The following ITPRID1 variants were observed in gnomAD, a reference collection of about 807,000 sequenced individuals.
ITPRID1 encodes protein ITPRID1.
ITPRID1 carries 96 observed loss-of-function variants against 95.4 expected under a neutral mutation model. The observed-to-expected ratio is 1.01, with a 90% CI of 0.85 to 1.19. The LOEUF is 1.19. ITPRID1 is among the 50% of genes most tolerant of loss of function. The probability of loss-of-function intolerance (pLI) is 0.00; values close to 1 mark genes in which losing one functional copy is unlikely to be tolerated. For synonymous variants in ITPRID1, 510 were observed against 453.6 expected (o/e 1.12, Z -1.58); for missense variants, 1,339 against 1,252.9 (o/e 1.07, Z -1.04).
intron 10 of ITPRID1, among the ~76,000 whole-genome samples, chr7:31,621,357 GAA>G (rs1787874475): frequency 1.5e-3 from 1 of 666 alleles, no homozygotes; most frequent in African/African-American, 6.9e-3. Context: ...CAGCCAGAGA[GAA>G]AGGTCGGGTT....
intron 5 of ITPRID1, among the ~76,000 whole-genome samples, chr7:31,556,131 A>G: frequency 6.6e-6 from 1 of 152,088 alleles, no homozygotes; most frequent in East Asian, 1.9e-4. Flanking sequence ...CACTTCCCAG[A>G]AATTAAAGAC....
downstream of ITPRID1, chr7:31,656,612 C>A: frequency 2.3e-6 from 1 of 433,688 alleles, no homozygotes; most frequent in Non-Finnish European, 3.1e-6. Flanking sequence ...TTATCAGTCT[C>A]AGGAGACAAT....
At chr7:31,570,535 G>A (rs1476779738) in intron 6 of ITPRID1, among the ~76,000 whole-genome samples, 2 of 152,128 alleles carry the variant, frequency 1.3e-5, no homozygotes, top group Non-Finnish European at 2.9e-5. Flanking sequence ...CTGCAGTACT[G>A]CATCCCCCTG....
intron 5 of ITPRID1, among the ~76,000 whole-genome samples, chr7:31,566,402 G>T (rs999580656): frequency 6.6e-6 from 1 of 152,168 alleles, no homozygotes; most frequent in Admixed American, 6.5e-5. Context: ...CCAAAGCAGT[G>T]GCAAGAATGT....
intron 10 of ITPRID1, among the ~76,000 whole-genome samples, chr7:31,589,932 A>G (rs10280029): frequency 0.084 from 12,801 of 152,252 alleles, 655 homozygotes; most frequent in Middle Eastern, 0.12. Flanking sequence ...AGATTTCTAC[A>G]TTTTACATGA....
chr7:31,517,263 G>GATTGGTCCATTTTACACAGCGCTT (rs1783074585), intron 1 of ITPRID1: 2 of 152,176 alleles, frequency 1.3e-5, no homozygotes, highest in Admixed American at 1.3e-4. Flanking sequence ...ACACAGCGCT[G>GATTGGTCCATTTTACACAGCGCTT]ATTAGTCCAT....
chr7:31,640,656 T>C (rs79122797), intron 10 of ITPRID1, among the ~76,000 whole-genome samples: 26 of 149,614 alleles, frequency 1.7e-4, no homozygotes, highest in South Asian at 1.5e-3. Flanking sequence ...TTTTTTTTTT[T>C]CCACATATCT....
intron 10 of ITPRID1, among the ~76,000 whole-genome samples, chr7:31,595,432 T>C (rs1323544295): frequency 2.0e-5 from 3 of 151,868 alleles, no homozygotes; most frequent in African/African-American, 4.8e-5. Context: ...AATTCAATAA[T>C]AGAAGTAAAA....
intron 10 of ITPRID1, among the ~76,000 whole-genome samples, chr7:31,631,150 A>C (rs1351840212): frequency 6.6e-6 from 1 of 152,224 alleles, no homozygotes; most frequent in East Asian, 1.9e-4. Flanking sequence ...TAAGAAAATA[A>C]TACTACCTAA....
At chr7:31,535,606 T>G (rs1562553511) in intron 1 of ITPRID1, among the ~76,000 whole-genome samples, 1 of 152,098 alleles carries the variant, frequency 6.6e-6, no homozygotes, top group Non-Finnish European at 1.5e-5. Context: ...TAATTTGTCT[T>G]CAACCCAAAG....
In ITPRID1 at chr7:31,644,095, G is replaced by A. The variant is rs115859822; in HGVS notation, c.2583+142G>A. ...AAATCATGAATAACATTTGTAGAGT[G>A]CTTTATTGTTTATGATATAGTATCA... On this transcript the variant is annotated intron_variant, in intron 12 of 14. Transcript: ENST00000615280. 2,710 of 731,874 alleles carry A rather than the reference G, an allele frequency of 3.7e-3. 55 individuals are homozygous for A. In the African/African-American group the frequency reaches 0.044, roughly 12 times the overall value. The allele number at this position is 731,874 out of a possible 1,614,324, so 45.3% of individuals were successfully genotyped here.
chr7:31,547,385 C>A (rs1038164556), intron 1 of ITPRID1, among the ~76,000 whole-genome samples: 1 of 152,148 alleles, frequency 6.6e-6, no homozygotes, highest in Non-Finnish European at 1.5e-5. Flanking sequence ...AGGAAACTTA[C>A]AGTCATGGTG....
Position 31,655,801 on chromosome 7 carries a change from C to T in ITPRID1, c.*2972C>T, listed in dbSNP as rs1791274701. 5.1e-6 allele frequency: 5 copies of T among 985,660 alleles called. No homozygotes were observed. The highest frequency in any genetic ancestry group is 6.0e-6 in the Non-Finnish European group (5 of 830,032). The allele number at this position is 985,660 out of a possible 1,614,324, so 61.1% of individuals were successfully genotyped here. A position where few individuals can be genotyped will look rare whatever the true frequency, so the allele number is the denominator to read the frequency against. On this transcript the variant is annotated 3_prime_UTR_variant, in exon 15 of 15. Coordinates refer to ENST00000615280, the MANE Select transcript of ITPRID1 (RefSeq NM_001257967.3). ...TACCCAGGTTGGGCTTTTGACCTCCCCTTCTCCATGTAGACTCCGAGCTCT... is the reference window on the plus strand; with the variant it reads ...TACCCAGGTTGGGCTTTTGACCTCCTCTTCTCCATGTAGACTCCGAGCTCT...
chr7:31,528,240 A>G (rs999753538), intron 1 of ITPRID1, among the ~76,000 whole-genome samples: 1 of 152,172 alleles, frequency 6.6e-6, no homozygotes, highest in East Asian at 1.9e-4. Context: ...TAATCAAAGT[A>G]TGGGTAATTG....
At chr7:31,515,107 T>G (rs1783004258) in intron 1 of ITPRID1, among the ~76,000 whole-genome samples, 1 of 151,926 alleles carries the variant, frequency 6.6e-6, no homozygotes, top group South Asian at 2.1e-4. Context: ...CAGACCATTT[T>G]CCTAACTCCT....
At chr7:31,573,983 A>G (rs1318921916) in intron 7 of ITPRID1, among the ~76,000 whole-genome samples, 6 of 152,104 alleles carry the variant, frequency 3.9e-5, no homozygotes, top group Admixed American at 1.3e-4. Context: ...TTCTTAGCCA[A>G]GTACAAAAAT....
rs764175813 is a variant in ITPRID1 at position 31,578,056 on chromosome 7, C to T, written c.792C>T (p.Asn264=). Reference sequence around the variant, plus strand: ...TCTTAAGGAGAGCTTCCAAACAGAACATCAGGCGGGATTGTAACCCAGAGG... The same window carrying T: ...TCTTAAGGAGAGCTTCCAAACAGAATATCAGGCGGGATTGTAACCCAGAGG... ...GKLLRRASKQ[N]IRRDCNPEVS... The change falls in exon 9 of 15, where the codon AAC becomes AAT. Residue 264 remains asparagine (N), a synonymous_variant. Transcript: ENST00000615280. 1 of 1,613,752 alleles carries T rather than the reference C, an allele frequency of 6.2e-7. No individual in the cohort carries two copies. The highest frequency in any genetic ancestry group is 8.5e-7 in the Non-Finnish European group (1 of 1,179,862).
chr7:31,622,245 C>T (rs917780191), intron 10 of ITPRID1, among the ~76,000 whole-genome samples: 20 of 148,682 alleles, frequency 1.3e-4, no homozygotes, highest in Non-Finnish European at 2.4e-4. Flanking sequence ...CAGCTCTGCA[C>T]CAAGCGGACC....
downstream of ITPRID1, chr7:31,658,502 GAA>G: frequency 1.0e-6 from 1 of 993,360 alleles, no homozygotes; most frequent in Non-Finnish European, 1.3e-6. Flanking sequence ...CCTTTGAGAA[GAA>G]AAAGTTTTAG....
Sources: gnomAD v4.1 joint callset for allele counts (sites outside exome capture counted in the v4.1 genomes callset) on GRCh38, gnomAD v4.1.1 for gene constraint, MANE v1.5 for transcripts, NCBI Gene and HGNC (gene_info 2026-07-23, HGNC 2026-07-21) for gene names.